ACTN2: variants seen among roughly 807,000 people sequenced by gnomAD.
The protein encoded by ACTN2 is actinin alpha 2.
In ACTN2, 39 loss-of-function variants were observed where a neutral mutation model predicts 113.8. That is an observed-to-expected ratio of 0.34 (90% CI 0.27 to 0.45). ACTN2 has a LOEUF of 0.45. ACTN2 is among the 20% of genes least tolerant of loss of function. ACTN2 has a pLI of 1.00. For missense variants in ACTN2, 992 were observed against 1,177.9 expected, an observed-to-expected ratio of 0.84 and a Z score of 2.31; for synonymous variants, 429 against 444.1, an observed-to-expected ratio of 0.97 and a Z score of 0.43.
intron 1 of ACTN2, among the ~76,000 whole-genome samples, chr1:236,701,526 A>C (rs1657676310): frequency 6.6e-6 from 1 of 152,204 alleles, no homozygotes; most frequent in South Asian, 2.1e-4. Context: ...CCTGCGGGCC[A>C]GGTTGCCCTC....
chr1:236,731,170 A>G, intron 6 of ACTN2, 63 bp from the exon 7 acceptor site: 1 of 1,325,002 alleles, frequency 7.5e-7, no homozygotes. Context: ...CATAAGAAAC[A>G]TTCTTCATAA....
chr1:236,710,173 G>A (rs930699724), intron 1 of ACTN2, among the ~76,000 whole-genome samples: 2 of 152,282 alleles, frequency 1.3e-5, no homozygotes, highest in East Asian at 1.9e-4. Flanking sequence ...GTGCACATGC[G>A]TAGTCAAAGA....
rs1572086538 is a variant in ACTN2 at position 236,686,513 on chromosome 1, G to T, written c.-161G>T. The T allele has an allele frequency of 1.3e-5, 10 of 759,560 alleles. No individual in the cohort carries two copies. The highest frequency in any genetic ancestry group is 1.3e-4 in the East Asian group (3 of 22,940). The allele number at this position is 759,560 out of a possible 1,614,324, so 47.1% of individuals were successfully genotyped here. ...TGCTCGCAGCCGGAGCTGGTGCTTC[G>T]CCCGAGACCCAGCGCCCAGGCGTGT... On this transcript the variant is annotated 5_prime_UTR_variant, in exon 1 of 21. Coordinates refer to ENST00000366578, the MANE Select transcript of ACTN2 (RefSeq NM_001103.4).
chr1:236,740,551 G>C (rs76611337), intron 10 of ACTN2, among the ~76,000 whole-genome samples: 1 of 81,484 alleles, frequency 1.2e-5, no homozygotes, highest in African/African-American at 2.9e-5. Flanking sequence ...TTTTATTTTT[G>C]AGACAGAGTC....
At chr1:236,687,706 GGTGACCATA>G (rs1453055033) in intron 1 of ACTN2, among the ~76,000 whole-genome samples, 1 of 152,228 alleles carries the variant, frequency 6.6e-6, no homozygotes, top group Non-Finnish European at 1.5e-5. Context: ...GATAGCCTGT[GGTGACCATA>G]GTGTGTATGG....
intron 1 of ACTN2, among the ~76,000 whole-genome samples, chr1:236,708,681 G>A (rs2102879045): frequency 6.6e-6 from 1 of 152,348 alleles, no homozygotes; most frequent in Admixed American, 6.5e-5. Flanking sequence ...CGCAGTTCGT[G>A]TGATGTATGT....
intron 10 of ACTN2, among the ~76,000 whole-genome samples, chr1:236,741,962 C>A (rs1376596372): frequency 6.6e-6 from 1 of 152,196 alleles, no homozygotes; most frequent in Non-Finnish European, 1.5e-5. Flanking sequence ...GCTGCCACAC[C>A]CCCTGCCTGC....
At chr1:236,689,934 C>G (rs1666020545) in intron 1 of ACTN2, among the ~76,000 whole-genome samples, 1 of 152,212 alleles carries the variant, frequency 6.6e-6, no homozygotes, top group African/African-American at 2.4e-5. Context: ...GGACGCTGTC[C>G]TTAACTGTAC....
At chr1:236,757,312 C>A (rs1021029479) in intron 17 of ACTN2, among the ~76,000 whole-genome samples, 174 bp from the exon 18 acceptor site, 16 of 152,298 alleles carry the variant, frequency 1.1e-4, no homozygotes, top group Non-Finnish European at 1.6e-4. Flanking sequence ...GTACTTCTCA[C>A]TACAGAATCT....
chr1:236,694,011 C>T (rs372761653), intron 1 of ACTN2, among the ~76,000 whole-genome samples: 6 of 152,064 alleles, frequency 3.9e-5, no homozygotes, highest in South Asian at 4.2e-4. Context: ...GACTCGAGCC[C>T]TTGTCTCTTC....
At chr1:236,743,768 G>T (rs1199293387) in intron 11 of ACTN2, among the ~76,000 whole-genome samples, 2 of 152,214 alleles carry the variant, frequency 1.3e-5, no homozygotes, top group Non-Finnish European at 2.9e-5. Flanking sequence ...GCTGGAGCCA[G>T]GTGGGTTGGA....
At chr1:236,728,679 A>T (rs1042626676) in intron 6 of ACTN2, among the ~76,000 whole-genome samples, 2 of 151,934 alleles carry the variant, frequency 1.3e-5, no homozygotes, top group African/African-American at 4.8e-5. Flanking sequence ...TTCTGCCTTT[A>T]AGGTAAAGGT....
intron 7 of ACTN2, among the ~76,000 whole-genome samples, chr1:236,735,135 CT>C (rs1658829753): frequency 2.0e-5 from 3 of 152,188 alleles, no homozygotes; most frequent in Admixed American, 2.0e-4. Context: ...ACGCAAGGCA[CT>C]TTACAGAGTA....
chr1:236,698,403 G>A (rs901498270), intron 1 of ACTN2, among the ~76,000 whole-genome samples: 2 of 152,142 alleles, frequency 1.3e-5, no homozygotes, highest in Admixed American at 6.5e-5. Context: ...AATCGTAAAA[G>A]CCATATAGAA....
At chr1:236,744,225 A>G (rs1188466459) in intron 11 of ACTN2, among the ~76,000 whole-genome samples, 1 of 152,220 alleles carries the variant, frequency 6.6e-6, no homozygotes, top group Non-Finnish European at 1.5e-5. Context: ...GGTAGGACTC[A>G]TGGATAGACA....
rs185468217 is a variant in ACTN2, at chr1:236,702,882, A to G, written c.127-14976A>G. On this transcript the variant is annotated intron_variant, in intron 1 of 20. Transcript: ENST00000366578. ...CAGAGAGCTGTTTCATTCTAAATGA[A>G]TGCTTGCATCTCTGTGTGTAGGCAG... 1.1e-4 allele frequency among the ~76,000 whole-genome samples: 16 copies of G among 152,344 alleles called. 1 individual carries two copies. The highest frequency in any genetic ancestry group is 7.2e-4 in the Admixed American group (11 of 15,300).
At chr1:236,741,497 G>A (rs554316731) in intron 10 of ACTN2, among the ~76,000 whole-genome samples, 50 of 152,176 alleles carry the variant, frequency 3.3e-4, no homozygotes, top group African/African-American at 1.1e-3. Context: ...CGGTTTCCTC[G>A]ATCCTAGTAA....
chr1:236,761,893 T>C (rs749924312), intron 20 of ACTN2, among the ~76,000 whole-genome samples: 24 of 152,312 alleles, frequency 1.6e-4, no homozygotes, highest in Non-Finnish European at 3.1e-4. Context: ...ATTTTTAAAA[T>C]AATGTTTTCT....
intron 1 of ACTN2, among the ~76,000 whole-genome samples, chr1:236,691,737 A>G (rs956076263): frequency 4.6e-5 from 7 of 152,214 alleles, no homozygotes; most frequent in African/African-American, 1.7e-4. Context: ...CCTTTCATCA[A>G]GAGATGGGAG....
Sources: gnomAD v4.1 joint callset for allele counts (sites outside exome capture counted in the v4.1 genomes callset) on GRCh38, gnomAD v4.1.1 for gene constraint, MANE v1.5 for transcripts, NCBI Gene and HGNC (gene_info 2026-07-23, HGNC 2026-07-21) for gene names.